The following SLC35F4 variants were observed in gnomAD, a reference collection of about 807,000 sequenced individuals.
SLC35F4 encodes solute carrier family 35 member F4.
Under a neutral mutation model 44.2 loss-of-function variants are expected in SLC35F4, and 24 were observed. The observed-to-expected ratio is 0.54, with a 90% CI of 0.39 to 0.76. The LOEUF is 0.76. Among genes scored for constraint, SLC35F4 ranks in the 30% least tolerant of loss-of-function variants. The probability of loss-of-function intolerance (pLI) is 0.00; values close to 1 mark genes in which losing one functional copy is unlikely to be tolerated. For synonymous variants in SLC35F4, 238 were observed against 223.6 expected (o/e 1.06, Z -0.57); for missense variants, 562 against 586.1 (o/e 0.96, Z 0.42).
In SLC35F4 at chr14:57,611,665, A is replaced by G. The variant is rs540924686; in HGVS notation, c.104-17541T>C. 7.9e-5 allele frequency among the ~76,000 whole-genome samples: 12 copies of G among 152,344 alleles called. No homozygotes were observed. In the South Asian group the frequency reaches 2.5e-3, roughly 32 times the overall value. Reference sequence around the variant, plus strand: ...ACAAGACAAGGAGATTGAAAGTGAAAGAAATGCCCATTGGCTATGGCAATA... The same window carrying G: ...ACAAGACAAGGAGATTGAAAGTGAAGGAAATGCCCATTGGCTATGGCAATA... On this transcript the variant is annotated intron_variant, in intron 1 of 7. Coordinates refer to ENST00000556826, the MANE Select transcript of SLC35F4 (RefSeq NM_001306087.2).
intron 1 of SLC35F4, among the ~76,000 whole-genome samples, chr14:57,677,470 A>C (rs1319214): frequency 0.45 from 68,978 of 151,758 alleles, 16,125 homozygotes; most frequent in African/African-American, 0.56. Flanking sequence ...AAGCAAGTAT[A>C]GTAATGTGTT....
At chr14:57,876,701 A>G (rs1047668866) in intron 1 of SLC35F4, among the ~76,000 whole-genome samples, 2 of 152,202 alleles carry the variant, frequency 1.3e-5, no homozygotes, top group Admixed American at 6.5e-5. Context: ...AAGTGAAGAA[A>G]AATTCTTAAA....
intron 1 of SLC35F4, among the ~76,000 whole-genome samples, chr14:57,926,670 G>T (rs1889577086): frequency 6.7e-6 from 1 of 149,274 alleles, no homozygotes; most frequent in Non-Finnish European, 1.5e-5. Flanking sequence ...CCTTCTTTGG[G>T]GAAGATATCT....
intron 1 of SLC35F4, among the ~76,000 whole-genome samples, chr14:57,958,010 A>G (rs1220022717): frequency 6.6e-6 from 1 of 152,184 alleles, no homozygotes; most frequent in African/African-American, 2.4e-5. Context: ...TATACTATGC[A>G]GTCCTAAAAA....
chr14:57,816,289 G>A (rs1882583509), intron 1 of SLC35F4, among the ~76,000 whole-genome samples: 1 of 152,094 alleles, frequency 6.6e-6, no homozygotes, highest in Non-Finnish European at 1.5e-5. Context: ...CTGCAGAGGA[G>A]GCTATTGTCT....
At chr14:57,583,532 C>T (rs1279389364) in intron 3 of SLC35F4, among the ~76,000 whole-genome samples, 5 of 152,190 alleles carry the variant, frequency 3.3e-5, no homozygotes, top group Non-Finnish European at 5.9e-5. Flanking sequence ...AAGGAACACT[C>T]CAATCCCACA....
chr14:57,740,503 G>C (rs2076578367), intron 1 of SLC35F4, among the ~76,000 whole-genome samples: 1 of 152,170 alleles, frequency 6.6e-6, no homozygotes, highest in Non-Finnish European at 1.5e-5. Flanking sequence ...GAAGGTTATG[G>C]GGGAGGAAGG....
chr14:57,712,558 C>T (rs182810698), intron 1 of SLC35F4, among the ~76,000 whole-genome samples: 7 of 152,274 alleles, frequency 4.6e-5, no homozygotes, highest in Admixed American at 2.0e-4. Flanking sequence ...TGTGAAGTCT[C>T]ATTACCAGGT....
chr14:57,806,781 G>A (rs985330290), intron 1 of SLC35F4, among the ~76,000 whole-genome samples: 1 of 152,156 alleles, frequency 6.6e-6, no homozygotes, highest in Non-Finnish European at 1.5e-5. Flanking sequence ...GGAGAAAATG[G>A]TTTTTTAAAA....
chr14:57,682,655 C>T (rs2074944168), intron 1 of SLC35F4, among the ~76,000 whole-genome samples: 2 of 151,214 alleles, frequency 1.3e-5, no homozygotes, highest in Admixed American at 1.3e-4. Context: ...AAAAAGATGC[C>T]ATTTGCGGTT....
At chr14:57,924,064 G>T (rs1435840750) in intron 1 of SLC35F4, among the ~76,000 whole-genome samples, 1 of 152,144 alleles carries the variant, frequency 6.6e-6, no homozygotes, top group African/African-American at 2.4e-5. Context: ...CTCTCTCTTT[G>T]CCTGCTGCCA....
intron 1 of SLC35F4, among the ~76,000 whole-genome samples, chr14:57,677,384 T>G (rs1220576893): frequency 6.6e-6 from 1 of 151,190 alleles, no homozygotes; most frequent in East Asian, 1.9e-4. Context: ...ACCAAAAACC[T>G]TCTTTACCCC....
chr14:57,685,696 AATACAGAGACACACTCAAAAG>A (rs1310297815), intron 1 of SLC35F4, among the ~76,000 whole-genome samples: 1 of 152,232 alleles, frequency 6.6e-6, no homozygotes, highest in Non-Finnish European at 1.5e-5. Flanking sequence ...TCAAGAATTT[AATACAGAGACACACTCAAAAG>A]TAATTTGACA....
At chr14:57,609,883 T>A (rs1382934656) in intron 1 of SLC35F4, among the ~76,000 whole-genome samples, 1 of 152,220 alleles carries the variant, frequency 6.6e-6, no homozygotes, top group Non-Finnish European at 1.5e-5. Flanking sequence ...ATTTCGTGGA[T>A]GACTGGCTGC....
chr14:57,918,605 A>G, intron 1 of SLC35F4, among the ~76,000 whole-genome samples: 1 of 152,020 alleles, frequency 6.6e-6, no homozygotes, highest in East Asian at 1.9e-4. Flanking sequence ...AGGGCAAGAA[A>G]CAAACAAATT....
intron 1 of SLC35F4, among the ~76,000 whole-genome samples, chr14:57,603,516 G>A (rs1045523961): frequency 6.6e-6 from 1 of 152,168 alleles, no homozygotes; most frequent in African/African-American, 2.4e-5. Flanking sequence ...TGGCAATAAG[G>A]TGTAGGTATG....
At chr14:57,740,977 A>C (rs1365349465) in intron 1 of SLC35F4, among the ~76,000 whole-genome samples, 1 of 152,172 alleles carries the variant, frequency 6.6e-6, no homozygotes, top group South Asian at 2.1e-4. Flanking sequence ...CAGGGTCTCG[A>C]GTGGACCTCC....
At chr14:57,791,239 A>G (rs925561330) in intron 1 of SLC35F4, among the ~76,000 whole-genome samples, 1 of 152,236 alleles carries the variant, frequency 6.6e-6, no homozygotes, top group Non-Finnish European at 1.5e-5. Context: ...TATTCATCTG[A>G]CAAAGGTCTA....
intron 1 of SLC35F4, among the ~76,000 whole-genome samples, chr14:57,925,304 G>C (rs1889535254): frequency 6.6e-6 from 1 of 152,036 alleles, no homozygotes; most frequent in Admixed American, 6.6e-5. Context: ...AGGTTGGTTT[G>C]TTGTTTGTTT....
Sources: allele counts gnomAD v4.1 joint callset (sites outside exome capture counted in the v4.1 genomes callset), GRCh38; gene constraint gnomAD v4.1.1; transcripts MANE v1.5; gene names NCBI Gene and HGNC (gene_info 2026-07-23, HGNC 2026-07-21).